The following SLCO3A1 variants were observed in gnomAD, a reference collection of about 807,000 sequenced individuals.
The protein encoded by SLCO3A1 is solute carrier organic anion transporter family member 3A1.
SLCO3A1 carries 27 observed loss-of-function variants against 63.1 expected under a neutral mutation model. The ratio of observed to expected loss-of-function variants is 0.43; its 90% CI spans 0.32 to 0.59. The LOEUF is 0.59. Ranked by LOEUF, SLCO3A1 falls within the 20% of genes least tolerant of loss-of-function variation. SLCO3A1 has a pLI of 0.09. For synonymous variants in SLCO3A1, 473 were observed against 409.9 expected (o/e 1.15, Z -1.86); for missense variants, 773 against 945.8 (o/e 0.82, Z 2.40).
intron 9 of SLCO3A1, among the ~76,000 whole-genome samples, chr15:92,160,891 A>T (rs139236086): frequency 7.5e-4 from 115 of 152,348 alleles, no homozygotes; most frequent in African/African-American, 2.7e-3. Context: ...TATAATGCAC[A>T]TGCTGTTATT....
chr15:91,969,202 CAT>C (rs1156321113), intron 2 of SLCO3A1, among the ~76,000 whole-genome samples: 1 of 152,104 alleles, frequency 6.6e-6, no homozygotes, highest in African/African-American at 2.4e-5. Context: ...GTGAATAAAT[CAT>C]TTTTTGGGGT....
chr15:91,950,275 G>C lies in SLCO3A1; in HGVS notation c.646+33817G>C, dbSNP rs1899955029. On this transcript the variant is annotated intron_variant, in intron 2 of 9. Coordinates refer to ENST00000318445, the MANE Select transcript of SLCO3A1 (RefSeq NM_013272.4). This position sits in a 1 kb window ranked among gnomAD's most constrained non-coding sequence, Gnocchi z 4.4. Reference sequence around the variant, plus strand: ...ATTCGGGTGTGTGTATTGTGGAGGGGATTGCAGGGGGCTGGGGAAGCAGAG... The same window carrying C: ...ATTCGGGTGTGTGTATTGTGGAGGGCATTGCAGGGGGCTGGGGAAGCAGAG... 6.6e-6 allele frequency among the ~76,000 whole-genome samples: 1 copy of C among 152,334 alleles called. No homozygotes were observed. The highest frequency in any genetic ancestry group is 1.9e-4 in the East Asian group (1 of 5,178).
rs550878607 is a variant in SLCO3A1 at position 91,872,759 on chromosome 15, T to A, written c.180+18671T>A. 9.2e-5 allele frequency among the ~76,000 whole-genome samples: 14 copies of A among 152,340 alleles called. No homozygotes were observed. In the East Asian group the frequency reaches 2.3e-3, roughly 25 times the overall value. On this transcript the variant is annotated intron_variant, in intron 1 of 9. Coordinates refer to ENST00000318445, the MANE Select transcript of SLCO3A1 (RefSeq NM_013272.4). This position sits in a 1 kb window ranked among gnomAD's most constrained non-coding sequence, Gnocchi z 4.1. Reference sequence around the variant, plus strand: ...GAGAGAACACTGTTCTCACTCTCTCTTTTAAACTGAGGGAAAAGGTAATGA... The same window carrying A: ...GAGAGAACACTGTTCTCACTCTCTCATTTAAACTGAGGGAAAAGGTAATGA...
At chr15:91,880,393 C>CTGTGTGTGTGTGTGTGTGTGTG (rs1312987837) in intron 1 of SLCO3A1, among the ~76,000 whole-genome samples, 1 of 44,698 alleles carries the variant, frequency 2.2e-5, no homozygotes, top group East Asian at 9.2e-4. Flanking sequence ...CTCTCTCTCT[C>CTGTGTGTGTGTGTGTGTGTGTG]TCTCTCTCTC....
chr15:91,981,714 T>C (rs1042863831), intron 2 of SLCO3A1, among the ~76,000 whole-genome samples: 5 of 152,176 alleles, frequency 3.3e-5, no homozygotes, highest in Non-Finnish European at 7.4e-5. Context: ...TATCCCTCCT[T>C]GTCTGGCTCT....
intron 2 of SLCO3A1, among the ~76,000 whole-genome samples, chr15:91,944,568 C>T (rs72751997): frequency 0.11 from 17,074 of 151,970 alleles, 1,211 homozygotes; most frequent in African/African-American, 0.2. Context: ...TCTGTCACCC[C>T]GCTCAGCCAT....
intron 2 of SLCO3A1, among the ~76,000 whole-genome samples, chr15:92,031,620 AC>A (rs1047346027): frequency 6.6e-6 from 1 of 152,128 alleles, no homozygotes; most frequent in African/African-American, 2.4e-5. Context: ...TGCCTTCATC[AC>A]CTTCACTCTT....
intron 2 of SLCO3A1, among the ~76,000 whole-genome samples, chr15:92,046,611 G>A (rs952864330): frequency 6.6e-6 from 1 of 152,034 alleles, no homozygotes; most frequent in East Asian, 1.9e-4. Context: ...GTACTGAAGT[G>A]CAGTACAGGC....
intron 2 of SLCO3A1, among the ~76,000 whole-genome samples, chr15:92,049,450 C>T (rs1318095290): frequency 2.0e-5 from 3 of 152,098 alleles, no homozygotes; most frequent in Non-Finnish European, 4.4e-5. Context: ...TGCAACTGAC[C>T]CTAAGCTACC....
chr15:91,995,862 A>C (rs2046186068), intron 2 of SLCO3A1, among the ~76,000 whole-genome samples: 1 of 152,198 alleles, frequency 6.6e-6, no homozygotes, highest in Non-Finnish European at 1.5e-5. Context: ...ATAGAAATTT[A>C]GACATAGAAG....
In SLCO3A1 at chr15:91,954,796, G is replaced by T. The variant is rs77388745; in HGVS notation, c.646+38338G>T. Among the ~76,000 whole-genome samples, 7,329 of 152,106 alleles carry T rather than the reference G, an allele frequency of 0.048. 602 individuals carry two copies. The highest frequency in any genetic ancestry group is 0.17 in the African/African-American group (6,943 of 41,438). On this transcript the variant is annotated intron_variant, in intron 2 of 9. Coordinates refer to ENST00000318445, the MANE Select transcript of SLCO3A1 (RefSeq NM_013272.4). The surrounding 1 kb of genome is among the most constrained non-coding windows in gnomAD (Gnocchi z 4.7). ...TTCTCCAACAGCAAGGATCCGAGGG[G>T]AAGGAGTCCATCACTGGCCTAGACA...
intron 1 of SLCO3A1, among the ~76,000 whole-genome samples, chr15:91,880,059 C>G (rs538039329): frequency 1.3e-4 from 20 of 151,944 alleles, no homozygotes; most frequent in African/African-American, 4.6e-4. Flanking sequence ...AAAAAGTGCT[C>G]CAGATAGATA....
chr15:92,047,440 AATATATAATATATAAAT>A lies in SLCO3A1; in HGVS notation c.647-47415_647-47399del, dbSNP rs1312332715. ...TATATAATATATAAATATATATACA[AATATATAATATATAAAT>A]ATATATAATATATAAATATATATAA... is the stretch of plus-strand genomic sequence containing the variant. On this transcript the variant is annotated intron_variant, in intron 2 of 9. Coordinates refer to ENST00000318445, the MANE Select transcript of SLCO3A1 (RefSeq NM_013272.4). Among the ~76,000 whole-genome samples, 91 of 32,630 alleles carry A rather than the reference AATATATAATATATAAAT, an allele frequency of 2.8e-3. 24 individuals carry two copies. The highest frequency in any genetic ancestry group is 0.013 in the Admixed American group (12 of 954). The allele number at this position is 32,630 out of a possible 152,430, so 21.4% of individuals were successfully genotyped here.
At chr15:92,126,420 C>T (rs2047924619) in intron 6 of SLCO3A1, among the ~76,000 whole-genome samples, 161 bp downstream of exon 6, 1 of 152,106 alleles carries the variant, frequency 6.6e-6, no homozygotes, top group Non-Finnish European at 1.5e-5. Context: ...TCAGTAGAAC[C>T]CTCTGGGCTG....
Position 92,165,610 on chromosome 15 carries a change from G to C in SLCO3A1, c.*2475G>C. On this transcript the variant is annotated 3_prime_UTR_variant, in exon 10 of 10. Coordinates refer to ENST00000318445, the MANE Select transcript of SLCO3A1 (RefSeq NM_013272.4). ...TTAGAATAACAGGAAGACAACTCCAGGGCTGAGTTTTATCAGCAATTGGGT... is the reference window on the plus strand; with the variant it reads ...TTAGAATAACAGGAAGACAACTCCACGGCTGAGTTTTATCAGCAATTGGGT... The C allele has an allele frequency of 2.0e-6, 2 of 985,200 alleles. No individual in the cohort carries two copies. Among genetic ancestry groups the C allele is most frequent in the Non-Finnish European group, 2.4e-6 (2 of 829,788 alleles). The allele number at this position is 985,200 out of a possible 1,614,324, so 61.0% of individuals were successfully genotyped here.
Position 92,110,907 on chromosome 15 carries a change from G to C in SLCO3A1, c.1009+6365G>C, listed in dbSNP as rs147802658. ...GGCAAGAGCTTCAGGTGTCCTGAGT[G>C]CCACCACCAGCCCACATGTGACTAC... On this transcript the variant is annotated intron_variant, in intron 4 of 9. Transcript: ENST00000318445. 7.6e-3 allele frequency among the ~76,000 whole-genome samples: 1,162 copies of C among 152,190 alleles called. 11 individuals are homozygous for C. Among genetic ancestry groups the C allele is most frequent in the Non-Finnish European group, 0.012 (837 of 68,014 alleles).
At chr15:92,069,089 TCCCCCCGC>T (rs36203280) in intron 2 of SLCO3A1, among the ~76,000 whole-genome samples, 11,716 of 57,660 alleles carry the variant, frequency 0.2, 535 homozygotes, top group East Asian at 0.43. Flanking sequence ...ATTCAAGGGC[TCCCCCCGC>T]CCCCCCCCCG....
At position 91,980,080 on chromosome 15, in the gene SLCO3A1, A is replaced by C. The variant is rs116440267; in HGVS notation, c.646+63622A>C. On this transcript the variant is annotated intron_variant, in intron 2 of 9. Coordinates refer to ENST00000318445, the MANE Select transcript of SLCO3A1 (RefSeq NM_013272.4). ...AGCAACAGAGAGGCTGGATTTGCACATTTCTTTCAAACTGCTGCCTGATTC... is the reference window on the plus strand; with the variant it reads ...AGCAACAGAGAGGCTGGATTTGCACCTTTCTTTCAAACTGCTGCCTGATTC... Among the ~76,000 whole-genome samples the C allele has an allele frequency of 1.5e-3, 234 of 152,268 alleles. 1 individual carries two copies. Among genetic ancestry groups the C allele is most frequent in the African/African-American group, 5.4e-3 (226 of 41,550 alleles).
At chr15:91,855,189 C>A (rs1597058185) in intron 1 of SLCO3A1, among the ~76,000 whole-genome samples, 1 of 152,182 alleles carries the variant, frequency 6.6e-6, no homozygotes. Flanking sequence ...TAGAACCACG[C>A]GTATCCTGAT....
Sources: gnomAD v4.1 joint callset for allele counts (sites outside exome capture counted in the v4.1 genomes callset) on GRCh38, gnomAD v4.1.1 for gene constraint, Gnocchi (gnomAD v3.1) non-coding constraint, MANE v1.5 for transcripts, NCBI Gene and HGNC (gene_info 2026-07-23, HGNC 2026-07-21) for gene names.